Variants in SHOX2 observed in about 807,000 individuals in gnomAD.
The protein encoded by SHOX2 is short stature homeobox protein 2.
SHOX2 carries 13 observed loss-of-function variants against 31.3 expected under a neutral mutation model. That is an observed-to-expected ratio of 0.42 (90% confidence interval 0.27 to 0.66). SHOX2 has a LOEUF of 0.66. SHOX2 is among the 30% of genes least tolerant of loss of function. The pLI is 0.27. For missense variants in SHOX2, 473 were observed against 443.0 expected (o/e 1.07, Z -0.61); for synonymous variants, 244 against 196.2 (o/e 1.24, Z -2.04).
rs549724891 is a variant in SHOX2, at chr3:158,100,399, C to G, written c.556-88G>C. ...TACAAAAGTACAAAGAGAAAAGAGT[C>G]GTGGTTTAGACAAGAATTGGGAGAT... is the stretch of plus-strand genomic sequence containing the variant. On this transcript the variant is annotated intron_variant, in intron 2 of 4. Transcript: ENST00000483851. 12 of 961,170 alleles carry G rather than the reference C, an allele frequency of 1.2e-5. No homozygotes were observed. In the East Asian group the frequency reaches 3.1e-4, roughly 25 times the overall value. The allele number at this position is 961,170 out of a possible 1,614,324, so 59.5% of individuals were successfully genotyped here.
intron 1 of SHOX2, chr3:158,105,208 C>T: frequency 1.2e-6 from 1 of 851,728 alleles, no homozygotes; most frequent in Non-Finnish European, 2.0e-6. Context: ...GTCTTGGCGG[C>T]CCCAAACACC....
intron 1 of SHOX2, chr3:158,105,032 G>GCCCCCCCCCCCCCCCCCC: frequency 3.2e-6 from 1 of 309,824 alleles, no homozygotes; most frequent in East Asian, 8.1e-5. Context: ...CTCCCCCGCC[G>GCCCCCCCCCCCCCCCCCC]CCCCCCCCCC....
rs1713577882 is a variant in SHOX2 at position 158,102,717 on chromosome 3, T to C, written c.516A>G (p.Glu172=). The change falls in exon 2 of 5, where the codon GAA becomes GAG. Residue 172 remains glutamate, a synonymous_variant. Coordinates refer to ENST00000483851, the MANE Select transcript of SHOX2 (RefSeq NM_001163678.2). ...CCGACAGGCCCAGTCGCTGGCTCAG[T>C]TCCTCTCGCATGAAGGCGTCGGGAT... The part of the protein sequence containing the change: ...THYPDAFMRE[E]LSQRLGLSEA... The C allele has an allele frequency of 6.2e-7, 1 of 1,614,068 alleles. No homozygotes were observed. The highest frequency in any genetic ancestry group is 8.5e-7 in the Non-Finnish European group (1 of 1,180,024).
At chr3:158,105,098 C>G in intron 1 of SHOX2, 2 of 1,488,354 alleles carry the variant, frequency 1.3e-6, no homozygotes, top group East Asian at 5.7e-5. Context: ...GCAGCGTAGC[C>G]TGGACCTCAG....
At position 158,096,909 on chromosome 3, in the gene SHOX2, T is replaced by C. The variant is rs1361951888; in HGVS notation, c.*1118A>G. 9.1e-6 allele frequency: 1 copy of C among 109,326 alleles called. No individual in the cohort carries two copies. The highest frequency in any genetic ancestry group is 3.3e-5 in the African/African-American group (1 of 30,198). 6.8% of individuals were successfully genotyped at this position (109,326 alleles called of 1,614,324 possible). ...GGGCAAATATATATATATATATATA[T>C]ATATATATATATATATATATATGGC... On this transcript the variant is annotated 3_prime_UTR_variant, in exon 5 of 5. Transcript: ENST00000483851.
chr3:158,102,853 G>A lies in SHOX2; in HGVS notation c.380C>T (p.Ala127Val), dbSNP rs747319392. 10 of 1,613,898 alleles carry A rather than the reference G, an allele frequency of 6.2e-6. No individual in the cohort carries two copies. The South Asian group carries it at 6.6e-5, about 11-fold the overall frequency. Residue 127 changes from alanine (A) to valine (V), a missense_variant, in exon 2 of 5, where the codon GCG becomes GTG. This residue lies in a region of SHOX2 where 276 missense variants were observed against 230.0 expected (regional missense o/e 1.20). Coordinates refer to ENST00000483851, the MANE Select transcript of SHOX2 (RefSeq NM_001163678.2). ...CTGGCCTTCGTCCTCCATCCCTTTC[G>A]CATCCTCTTTGCGATCTTTCAGCTC... ...SPELKDRKEDAKGMEDEGQTK... is the reference protein window; with the variant it reads ...SPELKDRKEDVKGMEDEGQTK...
chr3:158,103,987 T>C (rs186958295), intron 1 of SHOX2: 26 of 152,406 alleles, frequency 1.7e-4, no homozygotes, highest in African/African-American at 5.5e-4. Flanking sequence ...ACCATATATA[T>C]ATCCCCCTGG....
rs546196996 is a variant in SHOX2, at chr3:158,096,175, AAT to A, written c.*1850_*1851del. The A allele has an allele frequency of 4.4e-4, 67 of 152,696 alleles. No individual in the cohort carries two copies. The highest frequency in any genetic ancestry group is 6.3e-4 in the African/African-American group (26 of 41,536). The allele number at this position is 152,696 out of a possible 1,614,324, so 9.5% of individuals were successfully genotyped here. A position where few individuals can be genotyped will look rare whatever the true frequency, so the allele number is the denominator to read the frequency against. Reference sequence around the variant, plus strand: ...AAAATAACTTAATACACTAGAAAAAAATATGTCAAATATAAATAATTTTGTTT... The same window carrying A: ...AAAATAACTTAATACACTAGAAAAAAATGTCAAATATAAATAATTTTGTTT... On this transcript the variant is annotated 3_prime_UTR_variant, in exon 5 of 5. Transcript: ENST00000483851.
At chr3:158,100,657 T>G (rs1465019212) in intron 2 of SHOX2, among the ~76,000 whole-genome samples, 1 of 152,208 alleles carries the variant, frequency 6.6e-6, no homozygotes, top group Non-Finnish European at 1.5e-5. Flanking sequence ...CTGAGAAGAA[T>G]GTGTTCATTA....
At chr3:158,104,967 C>A in intron 1 of SHOX2, 2 of 780,878 alleles carry the variant, frequency 2.6e-6, no homozygotes, top group Non-Finnish European at 2.2e-6. Context: ...TCTAAGAGAA[C>A]CGAGTACTGG....
intron 2 of SHOX2, among the ~76,000 whole-genome samples, chr3:158,101,684 C>G (rs914289813): frequency 6.6e-6 from 1 of 152,000 alleles, no homozygotes; most frequent in Non-Finnish European, 1.5e-5. Context: ...GCCCAGAGAC[C>G]GAAAGAGTAT....
At position 158,106,073 on chromosome 3, in the gene SHOX2, C is replaced by CTCTTTTTTTCCTTCT; in HGVS notation, c.-64_-50dup. On this transcript the variant is annotated 5_prime_UTR_variant, in exon 1 of 5. Coordinates refer to ENST00000483851, the MANE Select transcript of SHOX2 (RefSeq NM_001163678.2). ...CTCAACCTCTGCCAGCAGAGCCCCG[C>CTCTTTTTTTCCTTCT]TCTTTTTTTCCTTCTTCTTTTTTTA... 6.2e-7 allele frequency: 1 copy of CTCTTTTTTTCCTTCT among 1,608,322 alleles called. No individual in the cohort carries two copies. The highest frequency in any genetic ancestry group is 8.5e-7 in the Non-Finnish European group (1 of 1,177,212).
intron 1 of SHOX2, 57 bp from the exon 2 acceptor site, chr3:158,102,943 C>G: frequency 7.0e-7 from 1 of 1,419,522 alleles, no homozygotes; most frequent in Non-Finnish European, 9.9e-7. Context: ...CACACACACA[C>G]GCACACACAC....
Position 158,106,302 on chromosome 3 carries a change from A to C in SHOX2, c.-278T>G. The C allele has an allele frequency of 2.2e-6, 1 of 452,098 alleles. No homozygotes were observed. Among genetic ancestry groups the C allele is most frequent in the Non-Finnish European group, 3.9e-6 (1 of 257,650 alleles). The allele number at this position is 452,098 out of a possible 1,614,324, so 28.0% of individuals were successfully genotyped here. A position where few individuals can be genotyped will look rare whatever the true frequency, so the allele number is the denominator to read the frequency against. ...AGAGGAGAGGGAGGAGGAGGAGGAG[A>C]AGAGAAGGGGCGGGGGCTGCCGGAG... On this transcript the variant is annotated 5_prime_UTR_variant, in exon 1 of 5. Coordinates refer to ENST00000483851, the MANE Select transcript of SHOX2 (RefSeq NM_001163678.2).
At chr3:158,102,022 T>C (rs1364759714) in intron 2 of SHOX2, among the ~76,000 whole-genome samples, 2 of 152,204 alleles carry the variant, frequency 1.3e-5, no homozygotes, top group Non-Finnish European at 2.9e-5. Context: ...ATATATGTGG[T>C]TTGTTTTAAA....
intron 1 of SHOX2, among the ~76,000 whole-genome samples, chr3:158,105,468 C>T (rs937362309): frequency 6.6e-6 from 1 of 151,554 alleles, no homozygotes; most frequent in African/African-American, 2.4e-5. Context: ...TCCCCCCACG[C>T]CACCCCCACA....
Position 158,105,663 on chromosome 3 carries a change from T to C in SHOX2, c.346+16A>G, listed in dbSNP as rs1192395498. On this transcript the variant is annotated intron_variant, in intron 1 of 4. Transcript: ENST00000483851. The stretch of plus-strand genomic sequence containing the variant: ...CGGGAAGGGGAACCGCTGCCGGGGG[T>C]CAGTCAGGTCGTTACCCTCCGTCAG... The C allele has an allele frequency of 6.6e-7, 1 of 1,516,690 alleles. No individual in the cohort carries two copies. The highest frequency in any genetic ancestry group is 1.2e-5 in the South Asian group (1 of 82,598). 94.0% of individuals were successfully genotyped at this position (1,516,690 alleles called of 1,614,324 possible).
At chr3:158,100,016 G>A (rs779792153) in intron 3 of SHOX2, 68 bp from the exon 4 acceptor site, 58 of 1,318,830 alleles carry the variant, frequency 4.4e-5, no homozygotes, top group Non-Finnish European at 6.1e-5. Context: ...GTTCCAAAGG[G>A]TACAAGACAG....
intron 1 of SHOX2, chr3:158,105,023 T>TCCCCCCCCCCCACCC: frequency 4.9e-6 from 1 of 204,910 alleles, no homozygotes; most frequent in Non-Finnish European, 9.0e-6. Context: ...GATCCCCACC[T>TCCCCCCCCCCCACCC]CCCCCGCCGC....
Sources: gnomAD v4.1 joint callset for allele counts (sites outside exome capture counted in the v4.1 genomes callset) on GRCh38, gnomAD v4.1.1 for gene constraint, gnomAD v4.1.1 regional missense constraint, MANE v1.5 for transcripts, NCBI Gene and HGNC (gene_info 2026-07-23, HGNC 2026-07-21) for gene names.